Variants in MAP4K5 observed in about 807,000 individuals in gnomAD.
MAP4K5 encodes MAPK/ERK kinase kinase kinase 5.
In MAP4K5, 82 loss-of-function variants were observed where a neutral mutation model predicts 135.6. The observed-to-expected ratio is 0.60, with a 90% confidence interval of 0.51 to 0.73. The LOEUF (loss-of-function observed/expected upper bound fraction) is 0.73. MAP4K5 is among the 30% of genes least tolerant of loss of function. The pLI is 0.00. For missense variants in MAP4K5, 907 were observed against 1,010.9 expected (o/e 0.90, Z 1.39); for synonymous variants, 347 against 335.0 (o/e 1.04, Z -0.39).
At chr14:50,513,154 T>C (rs2037964286) in intron 2 of MAP4K5, among the ~76,000 whole-genome samples, 1 of 152,230 alleles carries the variant, frequency 6.6e-6, no homozygotes, top group African/African-American at 2.4e-5. Context: ...AATATCACTA[T>C]AAAATCCACA....
At chr14:50,546,325 A>G (rs902035915) in intron 1 of MAP4K5, among the ~76,000 whole-genome samples, 1 of 152,128 alleles carries the variant, frequency 6.6e-6, no homozygotes, top group African/African-American at 2.4e-5. Flanking sequence ...TGAGTTTATA[A>G]TACTATCTCA....
In MAP4K5 at chr14:50,429,204, C is replaced by T. The variant is rs2035917043; in HGVS notation, c.2221G>A (p.Val741Met). The T allele has an allele frequency of 6.4e-7, 1 of 1,554,200 alleles. No individual in the cohort carries two copies. Among genetic ancestry groups the T allele is most frequent in the East Asian group, 2.4e-5 (1 of 41,902 alleles). The change falls in exon 29 of 33, where the codon GTG becomes ATG. Residue 741 changes from valine to methionine, a missense_variant. By Grantham distance (21) the Val-to-Met change is conservative. This residue lies in a region of MAP4K5 where 690 missense variants were observed against 777.4 expected (regional missense o/e 0.89). Transcript: ENST00000682126. ...VTQLERDTVL[V>M]CLDKFVKIVN... Reference sequence around the variant, plus strand: ...AAATAGTACTTACTGTCTAAACACACTAAAACGGTATCTCTCTCCAACTGT... The same window carrying T: ...AAATAGTACTTACTGTCTAAACACATTAAAACGGTATCTCTCTCCAACTGT...
At chr14:50,441,339 T>C (rs966416091) in intron 21 of MAP4K5, among the ~76,000 whole-genome samples, 1 of 152,152 alleles carries the variant, frequency 6.6e-6, no homozygotes, top group African/African-American at 2.4e-5. Flanking sequence ...AGATCGATAT[T>C]AACATCACTA....
intron 31 of MAP4K5, among the ~76,000 whole-genome samples, chr14:50,425,011 G>A (rs1468532493): frequency 2.0e-5 from 3 of 152,134 alleles, no homozygotes; most frequent in African/African-American, 7.2e-5. Context: ...TAAGAGGTAG[G>A]AATATTCATT....
At position 50,419,154 on chromosome 14, in the gene MAP4K5, C is replaced by T. The variant is rs367748940; in HGVS notation, c.*865G>A. On this transcript the variant is annotated 3_prime_UTR_variant, in exon 33 of 33. Coordinates refer to ENST00000682126, the MANE Select transcript of MAP4K5 (RefSeq NM_006575.6). ...ATGATAATATATATGAAGATTAATTCCTTATGCATTATCCCTAATGTAAAG... is the reference window on the plus strand; with the variant it reads ...ATGATAATATATATGAAGATTAATTTCTTATGCATTATCCCTAATGTAAAG... The T allele has an allele frequency of 6.6e-6, 1 of 152,112 alleles. No individual in the cohort carries two copies. The highest frequency in any genetic ancestry group is 1.5e-5 in the Non-Finnish European group (1 of 67,990). 9.4% of individuals were successfully genotyped at this position (152,112 alleles called of 1,614,324 possible).
intron 14 of MAP4K5, among the ~76,000 whole-genome samples, chr14:50,452,086 TA>T (rs2139759898): frequency 6.6e-6 from 1 of 152,350 alleles, no homozygotes; most frequent in South Asian, 2.1e-4. Context: ...TCAGCTACCC[TA>T]ACATTAAGTA....
At chr14:50,453,272 CAA>C (rs750792572) in intron 14 of MAP4K5, among the ~76,000 whole-genome samples, 7 of 105,758 alleles carry the variant, frequency 6.6e-5, no homozygotes, top group Non-Finnish European at 6.2e-5. Flanking sequence ...GATGACAAAC[CAA>C]AAAAAAAAAA....
Position 50,560,111 on chromosome 14 carries a change from C to G in MAP4K5, c.-180+929G>C, listed in dbSNP as rs886050530. 1 of 824,774 alleles carries G rather than the reference C, an allele frequency of 1.2e-6. No individual in the cohort carries two copies. 51.1% of individuals were successfully genotyped at this position (824,774 alleles called of 1,614,324 possible). On this transcript the variant is annotated intron_variant, in intron 1 of 8. Transcript: ENST00000555216. ...CTGCTTTCTCCTCCCTTTTCCTCCC[C>G]ACTCCTTCCCACCAGCGCCACAGCA...
At chr14:50,435,172 A>G (rs772023232) in intron 26 of MAP4K5, 107 bp from the exon 27 acceptor site, 4 of 522,836 alleles carry the variant, frequency 7.7e-6, no homozygotes, top group Admixed American at 6.6e-5. Flanking sequence ...ATAAAAAAAG[A>G]CTGTGTCTTT....
At chr14:50,456,209 G>GCAAA (rs1467968867) in intron 14 of MAP4K5, 2 of 320,034 alleles carry the variant, frequency 6.2e-6, no homozygotes, top group African/African-American at 4.4e-5. Context: ...AAGAAATGTG[G>GCAAA]CAAAATATTA....
At chr14:50,476,443 A>C (rs1044649680) in intron 6 of MAP4K5, 137 bp from the exon 7 acceptor site, 2 of 476,150 alleles carry the variant, frequency 4.2e-6, no homozygotes, top group African/African-American at 2.0e-5. Flanking sequence ...AGATAAGTAA[A>C]TCAATGTTTA....
In MAP4K5 at chr14:50,420,019, T is replaced by C. The variant is rs2035688574; in HGVS notation, c.2541A>G (p.Ter847=). Residue 847 remains the stop codon, a stop_retained_variant, in exon 33 of 33, where the codon TAA becomes TAG. Coordinates refer to ENST00000682126, the MANE Select transcript of MAP4K5 (RefSeq NM_006575.6). Reference sequence around the variant, plus strand: ...GTCATTTGAGATCAGTTTCTGTTGCTTAGTAACTATTTTCATGTCCAGCCA... The same window carrying C: ...GTCATTTGAGATCAGTTTCTGTTGCCTAGTAACTATTTTCATGTCCAGCCA... ...YILAGHENSY[*] 6.3e-7 allele frequency: 1 copy of C among 1,598,138 alleles called. No individual in the cohort carries two copies. Among genetic ancestry groups the C allele is most frequent in the Admixed American group, 1.7e-5 (1 of 58,656 alleles).
At chr14:50,505,532 T>A (rs1304538148) in intron 2 of MAP4K5, among the ~76,000 whole-genome samples, 3 of 152,234 alleles carry the variant, frequency 2.0e-5, no homozygotes, top group African/African-American at 7.2e-5. Flanking sequence ...AACTATTTAC[T>A]ATTTAACACA....
chr14:50,547,411 T>C (rs1318434289), intron 1 of MAP4K5, among the ~76,000 whole-genome samples: 1 of 152,114 alleles, frequency 6.6e-6, no homozygotes, highest in African/African-American at 2.4e-5. Flanking sequence ...GGGGAAGCAT[T>C]GGTGGACCTC....
intron 14 of MAP4K5, among the ~76,000 whole-genome samples, chr14:50,451,285 A>T (rs1202360372): frequency 6.6e-6 from 1 of 152,180 alleles, no homozygotes; most frequent in East Asian, 1.9e-4. Flanking sequence ...GTGTGGATAC[A>T]TGAAGAAGAG....
chr14:50,446,069 A>G lies in MAP4K5; in HGVS notation c.1185+10T>C, dbSNP rs2036340405. The G allele has an allele frequency of 6.5e-7, 1 of 1,526,996 alleles. No individual in the cohort carries two copies. The highest frequency in any genetic ancestry group is 8.8e-7 in the Non-Finnish European group (1 of 1,136,690). 94.6% of individuals were successfully genotyped at this position (1,526,996 alleles called of 1,614,324 possible). A position where few individuals can be genotyped will look rare whatever the true frequency, so the allele number is the denominator to read the frequency against. On this transcript the variant is annotated intron_variant, in intron 17 of 32. Coordinates refer to ENST00000682126, the MANE Select transcript of MAP4K5 (RefSeq NM_006575.6). ...AAGGATTTAGTGTTCAAAATCATTA[A>G]GTAGCTCACCTTAGGAGGTAGGGGA...
In MAP4K5 at chr14:50,425,962, C is replaced by G; in HGVS notation, c.2342G>C (p.Ser781Thr). 5 of 1,611,506 alleles carry G rather than the reference C, an allele frequency of 3.1e-6. No individual in the cohort carries two copies. The highest frequency in any genetic ancestry group is 4.2e-6 in the Non-Finnish European group (5 of 1,178,116). The change falls in exon 31 of 33, where the codon AGT becomes ACT. Residue 781 changes from serine to threonine, a missense_variant. By Grantham distance (58) the Ser-to-Thr change is moderately conservative. Coordinates refer to ENST00000682126, the MANE Select transcript of MAP4K5 (RefSeq NM_006575.6). Reference sequence around the variant, plus strand: ...CCCATGTTTCCAGAAAGCCAACACACTGTCTTGAAGGCATACTAAAAATGA... The same window carrying G: ...CCCATGTTTCCAGAAAGCCAACACAGTGTCTTGAAGGCATACTAAAAATGA... ...RIESVVCLQD[S>T]VLAFWKHGMQ... is the part of the protein sequence containing the mutation.
chr14:50,511,665 A>G (rs1195354990), intron 2 of MAP4K5, among the ~76,000 whole-genome samples: 1 of 152,166 alleles, frequency 6.6e-6, no homozygotes, highest in Admixed American at 6.6e-5. Flanking sequence ...ATGAGTCACT[A>G]TGAATCTTAC....
At chr14:50,446,368 A>G (rs1419494174) in intron 16 of MAP4K5, among the ~76,000 whole-genome samples, 2 of 152,202 alleles carry the variant, frequency 1.3e-5, no homozygotes, top group African/African-American at 2.4e-5. Context: ...ATGCTTTGCT[A>G]TATTTCTTAT....
Sources: gnomAD v4.1 joint callset for allele counts (sites outside exome capture counted in the v4.1 genomes callset) on GRCh38, gnomAD v4.1.1 for gene constraint, gnomAD v4.1.1 regional missense constraint, MANE v1.5 for transcripts, NCBI Gene and HGNC (gene_info 2026-07-23, HGNC 2026-07-21) for gene names.